RPS6KA2: variants seen among roughly 807,000 people sequenced by gnomAD.
RPS6KA2 encodes the protein ribosomal protein S6 kinase alpha-2.
Under a neutral mutation model 91.8 loss-of-function variants are expected in RPS6KA2, and 42 were observed. That is an observed-to-expected ratio of 0.46 (90% CI 0.36 to 0.59). RPS6KA2 has a LOEUF of 0.59. Ranked by LOEUF, RPS6KA2 falls within the 20% of genes least tolerant of loss-of-function variation. The probability of loss-of-function intolerance (pLI) is 0.00; values close to 1 mark genes in which losing one functional copy is unlikely to be tolerated. For synonymous variants in RPS6KA2, 414 were observed against 393.6 expected, an observed-to-expected ratio of 1.05 and a Z score of -0.61; for missense variants, 798 against 978.5, an observed-to-expected ratio of 0.82 and a Z score of 2.46.
Position 166,554,661 on chromosome 6 carries a change from T to C in RPS6KA2, c.100-15877A>G, listed in dbSNP as rs1469245933. Reference sequence around the variant, plus strand: ...AGCACAGGACTCCATCCTCCTCCACTGCAGCCTGAAAGCAGGGGGCAAAAC... The same window carrying C: ...AGCACAGGACTCCATCCTCCTCCACCGCAGCCTGAAAGCAGGGGGCAAAAC... On this transcript the variant is annotated intron_variant, in intron 1 of 20. Coordinates refer to ENST00000265678, the MANE Select transcript of RPS6KA2 (RefSeq NM_021135.6). The surrounding 1 kb of genome is among the most constrained non-coding windows in gnomAD (Gnocchi z 4.3). Among the ~76,000 whole-genome samples, 1 of 152,244 alleles carries C rather than the reference T, an allele frequency of 6.6e-6. No homozygotes were observed. Among genetic ancestry groups the C allele is most frequent in the African/African-American group, 2.4e-5 (1 of 41,458 alleles).
intron 2 of RPS6KA2, among the ~76,000 whole-genome samples, chr6:166,854,881 A>G (rs1189114931): frequency 6.6e-6 from 1 of 152,262 alleles, no homozygotes; most frequent in African/African-American, 2.4e-5. Context: ...TATAAAAAAG[A>G]CACCTTCACT....
rs1178393657 is a variant in RPS6KA2 at position 166,852,528 on chromosome 6, T to A, written c.123+5672A>T. ...GCGGTTTAGCCTGTCCCGGGCCATA[T>A]CCTGCTGGAGCTTTGGCCCAGAGCT... On this transcript the variant is annotated intron_variant, in intron 2 of 21. Coordinates refer to the RPS6KA2 transcript ENST00000503859. This position sits in a 1 kb window ranked among gnomAD's most constrained non-coding sequence, Gnocchi z 4.1. Among the ~76,000 whole-genome samples, 1 of 152,190 alleles carries A rather than the reference T, an allele frequency of 6.6e-6. No homozygotes were observed. The highest frequency in any genetic ancestry group is 1.5e-5 in the Non-Finnish European group (1 of 68,024).
chr6:166,618,897 C>A (rs1313360948), intron 1 of RPS6KA2, among the ~76,000 whole-genome samples: 7 of 152,180 alleles, frequency 4.6e-5, no homozygotes, highest in Non-Finnish European at 7.3e-5. Flanking sequence ...CGCTTACAAC[C>A]CTGAGAGACA....
chr6:166,840,513 C>T (rs1416935259), intron 2 of RPS6KA2, among the ~76,000 whole-genome samples: 1 of 152,172 alleles, frequency 6.6e-6, no homozygotes, highest in Admixed American at 6.5e-5. Context: ...TCTAGGAAAA[C>T]AAGGTGTGGT....
intron 1 of RPS6KA2, among the ~76,000 whole-genome samples, chr6:166,581,211 T>C (rs1417098286): frequency 6.6e-6 from 1 of 152,186 alleles, no homozygotes; most frequent in Non-Finnish European, 1.5e-5. Context: ...AATTTAATAT[T>C]GCACATACAT....
chr6:166,566,246 G>C (rs1784498650), intron 1 of RPS6KA2, among the ~76,000 whole-genome samples: 1 of 152,186 alleles, frequency 6.6e-6, no homozygotes, highest in South Asian at 2.1e-4. Context: ...GTACCACATG[G>C]GGAAGAGCCT....
chr6:166,744,352 C>T (rs1355509526), intron 2 of RPS6KA2, among the ~76,000 whole-genome samples: 2 of 129,784 alleles, frequency 1.5e-5, no homozygotes, highest in Non-Finnish European at 1.6e-5. Flanking sequence ...CTGGGCCATG[C>T]TGGCCTCGCC....
Position 166,561,161 on chromosome 6 carries a change from C to T in RPS6KA2, c.100-22377G>A, listed in dbSNP as rs368404892. ...TGTTTCCTGGGTGCACTTGTGCACA[C>T]ACACTCCCCCTGGAGCCCTACACAC... On this transcript the variant is annotated intron_variant, in intron 1 of 20. Transcript: ENST00000265678. Among the ~76,000 whole-genome samples the T allele has an allele frequency of 1.4e-4, 21 of 152,106 alleles. No individual in the cohort carries two copies. In the East Asian group the frequency reaches 3.7e-3, roughly 27 times the overall value.
intron 1 of RPS6KA2, among the ~76,000 whole-genome samples, chr6:166,617,045 G>A (rs1487182286): frequency 1.3e-5 from 2 of 152,236 alleles, no homozygotes; most frequent in African/African-American, 4.8e-5. Flanking sequence ...AGAAGGTGCC[G>A]GGCGCCCGCT....
intron 2 of RPS6KA2, among the ~76,000 whole-genome samples, chr6:166,649,709 G>T (rs1185104002): frequency 6.6e-6 from 1 of 152,214 alleles, no homozygotes; most frequent in African/African-American, 2.4e-5. Context: ...CCATGCAATG[G>T]ATGGGATTGT....
At chr6:166,632,870 CACTG>C (rs1195550735) in intron 2 of RPS6KA2, among the ~76,000 whole-genome samples, 1 of 152,104 alleles carries the variant, frequency 6.6e-6, no homozygotes, top group Non-Finnish European at 1.5e-5. Flanking sequence ...GGCAGAGGCA[CACTG>C]AGCGGTGTGG....
intron 2 of RPS6KA2, among the ~76,000 whole-genome samples, chr6:166,678,529 A>G (rs909483712): frequency 2.0e-5 from 3 of 152,328 alleles, no homozygotes; most frequent in Non-Finnish European, 4.4e-5. Context: ...CTTTTATTTC[A>G]CAGAAGGAAC....
At chr6:166,817,138 CT>C (rs1329789695) in intron 2 of RPS6KA2, among the ~76,000 whole-genome samples, 2 of 152,198 alleles carry the variant, frequency 1.3e-5, no homozygotes, top group East Asian at 3.9e-4. Flanking sequence ...TTGTAATGTT[CT>C]CTAATACAAG....
chr6:166,517,764 C>A, intron 3 of RPS6KA2, among the ~76,000 whole-genome samples: 1 of 152,202 alleles, frequency 6.6e-6, no homozygotes, highest in Non-Finnish European at 1.5e-5. Context: ...CGTGAGCCAC[C>A]GCGCCCGGCC....
chr6:166,553,254 G>C (rs534777263), intron 1 of RPS6KA2, among the ~76,000 whole-genome samples: 79 of 152,186 alleles, frequency 5.2e-4, no homozygotes, highest in African/African-American at 1.8e-3. Flanking sequence ...GAGTAGCTGG[G>C]GCAACAGGTA....
intron 2 of RPS6KA2, among the ~76,000 whole-genome samples, chr6:166,831,244 A>G (rs1027822377): frequency 6.6e-6 from 1 of 152,126 alleles, no homozygotes; most frequent in East Asian, 1.9e-4. Flanking sequence ...GCTCAGAGGC[A>G]GGTTCCTCAG....
intron 2 of RPS6KA2, among the ~76,000 whole-genome samples, chr6:166,780,980 A>T (rs1778753838): frequency 6.6e-6 from 1 of 152,262 alleles, no homozygotes; most frequent in Non-Finnish European, 1.5e-5. Context: ...ACACTTCGCT[A>T]GCAGAAAGAG....
intron 2 of RPS6KA2, among the ~76,000 whole-genome samples, chr6:166,532,414 C>T (rs953617835): frequency 6.6e-6 from 1 of 152,180 alleles, no homozygotes; most frequent in South Asian, 2.1e-4. Context: ...GACCAACCAG[C>T]GTCTATTCTA....
chr6:166,540,805 G>A (rs940050119), intron 1 of RPS6KA2, among the ~76,000 whole-genome samples: 9 of 152,098 alleles, frequency 5.9e-5, no homozygotes, highest in African/African-American at 2.2e-4. Flanking sequence ...GGATCCACGT[G>A]TGTCACTGCC....
Sources: allele counts gnomAD v4.1 joint callset (sites outside exome capture counted in the v4.1 genomes callset), GRCh38; gene constraint gnomAD v4.1.1; non-coding constraint Gnocchi (gnomAD v3.1); transcripts MANE v1.5; gene names NCBI Gene and HGNC (gene_info 2026-07-23, HGNC 2026-07-21).